Variants in CTDSP2 observed in about 807,000 individuals in gnomAD.
The protein encoded by CTDSP2 is CTD small phosphatase 2.
In CTDSP2, 9 loss-of-function variants were observed where a neutral mutation model predicts 31.6. The ratio of observed to expected loss-of-function variants is 0.28; its 90% CI spans 0.17 to 0.50. The LOEUF (loss-of-function observed/expected upper bound fraction) is 0.50. CTDSP2 is among the 20% of genes least tolerant of loss of function. The pLI is 0.98. For synonymous variants in CTDSP2, 134 were observed against 134.5 expected, an observed-to-expected ratio of 1.00 and a Z score of 0.03; for missense variants, 267 against 348.5, an observed-to-expected ratio of 0.77 and a Z score of 1.86.
At chr12:57,834,602 G>A (rs1956235609) in intron 1 of CTDSP2, among the ~76,000 whole-genome samples, 1 of 152,224 alleles carries the variant, frequency 6.6e-6, no homozygotes. Flanking sequence ...TTGGTTAAGG[G>A]TGAGGGAACC....
At chr12:57,845,217 G>A (rs559920682) in intron 1 of CTDSP2, among the ~76,000 whole-genome samples, 40 of 146,564 alleles carry the variant, frequency 2.7e-4, no homozygotes, top group African/African-American at 1.1e-3. Context: ...CAGCCTCCGG[G>A]GCCAGGTGGC....
rs1956319586 is a variant in CTDSP2 at position 57,846,636 on chromosome 12, G to A, written c.-201C>T. ...CAAAGGGCGGGCGGCCCGGGCAGCG[G>A]CTCCCCCGGGTGCCCCCGGCCCCGA... is the stretch of plus-strand genomic sequence containing the variant. On this transcript the variant is annotated 5_prime_UTR_variant, in exon 1 of 8. Transcript: ENST00000398073. 4.3e-6 allele frequency: 2 copies of A among 466,082 alleles called. No individual in the cohort carries two copies. The highest frequency in any genetic ancestry group is 4.5e-5 in the Admixed American group (1 of 22,274). 28.9% of individuals were successfully genotyped at this position (466,082 alleles called of 1,614,324 possible).
At position 57,823,118 on chromosome 12, in the gene CTDSP2, G is replaced by A. The variant is rs143009792; in HGVS notation, c.*484C>T. ...CTGGAGAAGGATTTCAGAAAGGTGT[G>A]TGCCTGGAGTACCCAAAGGCATACC... On this transcript the variant is annotated 3_prime_UTR_variant, in exon 8 of 8. Transcript: ENST00000398073. The A allele has an allele frequency of 2.3e-3, 372 of 158,528 alleles. 3 individuals carry two copies. The highest frequency in any genetic ancestry group is 8.5e-3 in the African/African-American group (353 of 41,704). 9.8% of individuals were successfully genotyped at this position (158,528 alleles called of 1,614,324 possible). A position where few individuals can be genotyped will look rare whatever the true frequency, so the allele number is the denominator to read the frequency against.
intron 4 of CTDSP2, 91 bp from the exon 5 acceptor site, chr12:57,826,493 C>T (rs1428057239): frequency 8.0e-7 from 1 of 1,249,380 alleles, no homozygotes; most frequent in African/African-American, 1.5e-5. Context: ...AGAAACAGGT[C>T]TTAAAGACTC....
At chr12:57,828,377 C>T (rs563100079) in intron 2 of CTDSP2, among the ~76,000 whole-genome samples, 10 of 150,066 alleles carry the variant, frequency 6.7e-5, no homozygotes, top group African/African-American at 2.5e-4. Flanking sequence ...CAAGATCGCA[C>T]GCCATTGCAC....
At position 57,846,487 on chromosome 12, in the gene CTDSP2, C is replaced by CGGGCA; in HGVS notation, c.-53_-52insTGCCC. On this transcript the variant is annotated 5_prime_UTR_variant, in exon 1 of 8. Coordinates refer to ENST00000398073, the MANE Select transcript of CTDSP2 (RefSeq NM_005730.4). ...CTGGGCGGGAGGACGGGCGGGCGCG[C>CGGGCA]GGGCTGGGCTGGGCTGGGGGGCCTG... is the stretch of plus-strand genomic sequence containing the variant. 1 of 1,501,046 alleles carries CGGGCA rather than the reference C, an allele frequency of 6.7e-7. No individual in the cohort carries two copies. The highest frequency in any genetic ancestry group is 9.0e-7 in the Non-Finnish European group (1 of 1,115,416). 93.0% of individuals were successfully genotyped at this position (1,501,046 alleles called of 1,614,324 possible).
intron 2 of CTDSP2, among the ~76,000 whole-genome samples, chr12:57,828,344 G>A (rs992557187): frequency 5.3e-5 from 8 of 151,864 alleles, no homozygotes; most frequent in Non-Finnish European, 8.8e-5. Context: ...GCTTGAACCC[G>A]GGAGGCGGAG....
chr12:57,826,064 C>CTAT (rs1396337174), intron 5 of CTDSP2, among the ~76,000 whole-genome samples: 1 of 152,132 alleles, frequency 6.6e-6, no homozygotes, highest in Admixed American at 6.5e-5. Flanking sequence ...CAAACGATAG[C>CTAT]TATTATTATT....
At chr12:57,831,734 C>A (rs545965347) in intron 1 of CTDSP2, among the ~76,000 whole-genome samples, 1 of 152,312 alleles carries the variant, frequency 6.6e-6, no homozygotes, top group South Asian at 2.1e-4. Flanking sequence ...ATGCCTCTGT[C>A]TTTGTGGGGA....
chr12:57,827,139 G>T, intron 3 of CTDSP2, 42 bp from the exon 4 acceptor site: 1 of 1,415,576 alleles, frequency 7.1e-7, no homozygotes, highest in East Asian at 2.3e-5. Context: ...TACCAAGAAA[G>T]CCCAATTGTA....
intron 1 of CTDSP2, among the ~76,000 whole-genome samples, chr12:57,832,650 G>C (rs1478846902): frequency 6.6e-6 from 1 of 151,664 alleles, no homozygotes; most frequent in Non-Finnish European, 1.5e-5. Context: ...AAAGTAGCCG[G>C]GCGTAGTGGC....
chr12:57,831,402 G>A (rs913518130), intron 1 of CTDSP2, among the ~76,000 whole-genome samples: 11 of 152,046 alleles, frequency 7.2e-5, no homozygotes, highest in Non-Finnish European at 1.6e-4. Flanking sequence ...GCAGTGAGCC[G>A]AGATCATGCG....
At chr12:57,830,171 G>C (rs1456701186) in intron 1 of CTDSP2, among the ~76,000 whole-genome samples, 1 of 152,154 alleles carries the variant, frequency 6.6e-6, no homozygotes, top group Non-Finnish European at 1.5e-5. Flanking sequence ...GGAGCACGAG[G>C]TCAGAAGATT....
At chr12:57,842,399 C>T (rs1956287727) in intron 1 of CTDSP2, 1 of 152,128 alleles carries the variant, frequency 6.6e-6, no homozygotes, top group Non-Finnish European at 1.5e-5. Context: ...TCTTTAAGAC[C>T]TCTACGGTTG....
In CTDSP2 at chr12:57,827,070, C is replaced by T. The variant is rs776949485; in HGVS notation, c.280G>A (p.Val94Met). Reference protein sequence around the residue: ...QIPGTCLLPEVTEEDQGRICV... With the variant: ...QIPGTCLLPEMTEEDQGRICV... The stretch of plus-strand genomic sequence containing the variant: ...ATCCTTCCTTGATCTTCCTCTGTCA[C>T]CTCTGGGAGCAGGCAGGTCCCTGGG... The change falls in exon 4 of 8, where the codon GTG (valine) becomes ATG (methionine). Residue 94 changes from valine to methionine, a missense_variant. Coordinates refer to ENST00000398073, the MANE Select transcript of CTDSP2 (RefSeq NM_005730.4). 6 of 1,613,788 alleles carry T rather than the reference C, an allele frequency of 3.7e-6. No individual in the cohort carries two copies. Among genetic ancestry groups the T allele is most frequent in the Non-Finnish European group, 5.1e-6 (6 of 1,179,936 alleles).
Position 57,827,557 on chromosome 12 carries a change from A to G in CTDSP2, c.247T>C (p.Tyr83His), listed in dbSNP as rs367623826. 166 of 1,613,954 alleles carry G rather than the reference A, an allele frequency of 1.0e-4. No individual in the cohort carries two copies. Among genetic ancestry groups the G allele is most frequent in the Non-Finnish European group, 1.4e-4 (161 of 1,179,958 alleles). Reference sequence around the variant, plus strand: ...ACCAGGCCAGAGTCACGTACCTGGTAGAACTGGTACTGGAGACACTGGAGC... The same window carrying G: ...ACCAGGCCAGAGTCACGTACCTGGTGGAACTGGTACTGGAGACACTGGAGC... ...DLLQCLQYQF[Y>H]QIPGTCLLPE... Residue 83 changes from tyrosine (Y) to histidine (H), a missense_variant, in exon 3 of 8, where the codon TAC (tyrosine) becomes CAC (histidine). By Grantham distance (83) the Tyr-to-His change is moderately conservative (BLOSUM62 2). Around this residue, in one of 2 missense-constraint regions of CTDSP2, gnomAD observed 111 missense variants for 107.1 expected, o/e 1.04. Transcript: ENST00000398073.
intron 1 of CTDSP2, chr12:57,845,544 T>G (rs568274632): frequency 6.6e-6 from 1 of 152,234 alleles, no homozygotes; most frequent in East Asian, 1.9e-4. Flanking sequence ...CGCTGCGCGA[T>G]TCAGAACCAC....
intron 3 of CTDSP2, 23 bp downstream of exon 3, chr12:57,827,529 C>T: frequency 6.2e-7 from 1 of 1,613,472 alleles, no homozygotes; most frequent in Non-Finnish European, 8.5e-7. Context: ...CTTCTGAGTA[C>T]TTACCAGGCC....
intron 1 of CTDSP2, among the ~76,000 whole-genome samples, chr12:57,843,184 T>C (rs1053038054): frequency 1.3e-5 from 2 of 152,148 alleles, no homozygotes; most frequent in Non-Finnish European, 2.9e-5. Context: ...CATTTCACGT[T>C]GGGAGGTTAC....
Sources: gnomAD v4.1 joint callset for allele counts (sites outside exome capture counted in the v4.1 genomes callset) on GRCh38, gnomAD v4.1.1 for gene constraint, gnomAD v4.1.1 regional missense constraint, MANE v1.5 for transcripts, NCBI Gene and HGNC (gene_info 2026-07-23, HGNC 2026-07-21) for gene names.